The following PIP5K1B variants were observed in gnomAD, a reference collection of about 807,000 sequenced individuals.
PIP5K1B encodes phosphatidylinositol-4-phosphate 5-kinase type 1 beta.
PIP5K1B carries 42 observed loss-of-function variants against 67.0 expected under a neutral mutation model. That is an observed-to-expected ratio of 0.63 (90% CI 0.49 to 0.81). The LOEUF is 0.81. PIP5K1B is among the 30% of genes least tolerant of loss of function. The pLI is 0.00. For missense variants in PIP5K1B, 459 were observed against 646.3 expected (o/e 0.71, Z 3.14); for synonymous variants, 214 against 231.4 (o/e 0.92, Z 0.68).
rs1027651786 is a variant in PIP5K1B, at chr9:68,761,468, A to G, written c.-86+18811A>G. Among the ~76,000 whole-genome samples, 4 of 152,130 alleles carry G rather than the reference A, an allele frequency of 2.6e-5. No individual in the cohort carries two copies. In the South Asian group the frequency reaches 6.2e-4, roughly 24 times the overall value. ...CTTATTGCTGCTGTAACAAATTTAT[A>G]CAGAATTAGTGGCTTAAAACAATGC... On this transcript the variant is annotated intron_variant, in intron 2 of 15. Transcript: ENST00000265382.
At chr9:68,799,275 C>G (rs888785034) in intron 2 of PIP5K1B, among the ~76,000 whole-genome samples, 1 of 152,172 alleles carries the variant, frequency 6.6e-6, no homozygotes, top group Non-Finnish European at 1.5e-5. Flanking sequence ...GTAGTACATA[C>G]CTTCTGTTCA....
chr9:68,717,296 C>T (rs918348801), intron 1 of PIP5K1B, among the ~76,000 whole-genome samples: 2 of 152,156 alleles, frequency 1.3e-5, no homozygotes, highest in Middle Eastern at 3.2e-3. Flanking sequence ...AGAGACTGGA[C>T]GGTAGCATCC....
rs117089665 is a variant in PIP5K1B, at chr9:68,989,355, G to T, written c.1503-1785G>T. ...GCCTTTAGATGGGGAGTTTTCAGAA[G>T]AGGTGAGCTCTGATTTAAACCTGGA... On this transcript the variant is annotated intron_variant, in intron 14 of 15. Coordinates refer to ENST00000265382, the MANE Select transcript of PIP5K1B (RefSeq NM_003558.4). Among the ~76,000 whole-genome samples the T allele has an allele frequency of 1.7e-3, 265 of 152,116 alleles. 5 individuals carry two copies. In the East Asian group the frequency reaches 0.043, roughly 25 times the overall value.
chr9:68,748,199 G>A (rs7870716), intron 2 of PIP5K1B, among the ~76,000 whole-genome samples: 7 of 152,156 alleles, frequency 4.6e-5, no homozygotes, highest in South Asian at 2.1e-4. Context: ...GTTCATCCAC[G>A]TTGTGACTTG....
chr9:69,004,589 G>A (rs540279891), intron 15 of PIP5K1B, among the ~76,000 whole-genome samples: 10 of 152,296 alleles, frequency 6.6e-5, no homozygotes, highest in African/African-American at 2.2e-4. Context: ...TCTGAATCTT[G>A]GTTGACCTTG....
chr9:68,940,859 C>T, intron 14 of PIP5K1B, 69 bp downstream of exon 14: 1 of 1,411,692 alleles, frequency 7.1e-7, no homozygotes, highest in Non-Finnish European at 1.0e-6. Context: ...GAACCAGTAT[C>T]TCTGAATGAG....
At chr9:68,788,166 G>T in intron 2 of PIP5K1B, 1 of 277,978 alleles carries the variant, frequency 3.6e-6, no homozygotes, top group Non-Finnish European at 6.8e-6. Context: ...CCCTTGATTA[G>T]TTCCACAGCA....
chr9:68,908,722 G>T (rs539904183), intron 8 of PIP5K1B, among the ~76,000 whole-genome samples: 19 of 152,212 alleles, frequency 1.2e-4, no homozygotes, highest in African/African-American at 4.3e-4. Flanking sequence ...TATTCTGAGG[G>T]GTCTACTTTG....
intron 2 of PIP5K1B, among the ~76,000 whole-genome samples, chr9:68,758,475 A>G (rs927815491): frequency 1.6e-4 from 24 of 152,120 alleles, no homozygotes; most frequent in African/African-American, 5.8e-4. Context: ...AATTCTTAAA[A>G]CTCACTAAGT....
At chr9:68,859,730 A>G (rs1822964801) in intron 4 of PIP5K1B, among the ~76,000 whole-genome samples, 1 of 152,174 alleles carries the variant, frequency 6.6e-6, no homozygotes, top group Non-Finnish European at 1.5e-5. Context: ...TAATACTGCA[A>G]TCACCAACAC....
intron 14 of PIP5K1B, chr9:68,963,469 C>T: frequency 4.3e-6 from 1 of 229,956 alleles, no homozygotes; most frequent in South Asian, 5.3e-5. Flanking sequence ...TGCCATTGCA[C>T]TCCATCCTGG....
intron 8 of PIP5K1B, among the ~76,000 whole-genome samples, chr9:68,913,743 T>A (rs559770648): frequency 6.6e-6 from 1 of 152,308 alleles, no homozygotes; most frequent in East Asian, 1.9e-4. Context: ...GGTCTTGGCC[T>A]CACGAGGACA....
chr9:68,872,392 A>C (rs1023074288), intron 5 of PIP5K1B, among the ~76,000 whole-genome samples: 3 of 152,258 alleles, frequency 2.0e-5, no homozygotes, highest in Non-Finnish European at 4.4e-5. Flanking sequence ...ATTCATGTCA[A>C]GCTGGTATTT....
At chr9:68,779,216 C>A (rs989233235) in intron 2 of PIP5K1B, among the ~76,000 whole-genome samples, 1 of 151,938 alleles carries the variant, frequency 6.6e-6, no homozygotes, top group Non-Finnish European at 1.5e-5. Flanking sequence ...ATTACATGAG[C>A]CAAGAATTGT....
intron 4 of PIP5K1B, among the ~76,000 whole-genome samples, chr9:68,862,849 C>G (rs981062890): frequency 6.0e-5 from 9 of 149,270 alleles, no homozygotes; most frequent in Non-Finnish European, 7.4e-5. Flanking sequence ...AGAAGTGGCT[C>G]CAGGACCATA....
intron 8 of PIP5K1B, among the ~76,000 whole-genome samples, chr9:68,911,854 C>G (rs1352440123): frequency 6.6e-6 from 1 of 152,074 alleles, no homozygotes; most frequent in Non-Finnish European, 1.5e-5. Context: ...CTGCCTCCAG[C>G]CTGGGTGATG....
At chr9:68,967,951 C>CA (rs11418225) in intron 14 of PIP5K1B, among the ~76,000 whole-genome samples, 146,984 of 152,090 alleles carry the variant, frequency 0.97, 71,220 homozygotes, top group East Asian at 1. Context: ...GATTGCTCCC[C>CA]AAAACCCAGT....
intron 5 of PIP5K1B, among the ~76,000 whole-genome samples, chr9:68,875,787 T>A (rs1167956621): frequency 1.3e-5 from 2 of 152,296 alleles, no homozygotes; most frequent in East Asian, 3.9e-4. Context: ...TTTCTGAAAA[T>A]TTTAAGAACA....
chr9:68,917,908 A>G (rs376264896), intron 9 of PIP5K1B, 149 bp downstream of exon 9: 50 of 617,854 alleles, frequency 8.1e-5, no homozygotes, highest in South Asian at 4.3e-4. Context: ...CTCCATTTCT[A>G]TTCATCTAAA....
Sources: allele counts gnomAD v4.1 joint callset (sites outside exome capture counted in the v4.1 genomes callset), GRCh38; gene constraint gnomAD v4.1.1; transcripts MANE v1.5; gene names NCBI Gene and HGNC (gene_info 2026-07-23, HGNC 2026-07-21).